Variants in ZNF106 observed in about 807,000 individuals in gnomAD.
ZNF106 encodes the protein SH3-domain binding protein 3.
In ZNF106, 67 loss-of-function variants were observed where a neutral mutation model predicts 195.1. The observed-to-expected ratio is 0.34, with a 90% confidence interval of 0.28 to 0.42. The LOEUF (loss-of-function observed/expected upper bound fraction) is 0.42, where lower values mean the gene tolerates loss of function less well. Among genes scored for constraint, ZNF106 ranks in the 10% least tolerant of loss-of-function variants. The pLI, the probability that ZNF106 is intolerant of heterozygous loss-of-function variation, is 1.00. For synonymous variants in ZNF106, 784 were observed against 818.6 expected, an observed-to-expected ratio of 0.96 and a Z score of 0.72; for missense variants, 2,118 against 2,304.5, an observed-to-expected ratio of 0.92 and a Z score of 1.66.
intron 9 of ZNF106, among the ~76,000 whole-genome samples, chr15:42,442,758 AG>A (rs1396666605): frequency 6.6e-6 from 1 of 151,648 alleles, no homozygotes; most frequent in Non-Finnish European, 1.5e-5. Flanking sequence ...CTGGGATTAT[AG>A]GCACATGCCA....
rs533169309 is a variant in ZNF106, at chr15:42,449,409, A to T, written c.2501+362T>A. On this transcript the variant is annotated intron_variant, in intron 5 of 21. Coordinates refer to ENST00000564754, the MANE Select transcript of ZNF106 (RefSeq NM_001366845.3). ...GTTGTATTTAAAAGTTATAGCACGCATTCCAAAATTAAGATCTAGAAAAAG... is the reference window on the plus strand; with the variant it reads ...GTTGTATTTAAAAGTTATAGCACGCTTTCCAAAATTAAGATCTAGAAAAAG... Among the ~76,000 whole-genome samples, 293 of 152,332 alleles carry T rather than the reference A, an allele frequency of 1.9e-3. 1 individual carries two copies. Among genetic ancestry groups the T allele is most frequent in the African/African-American group, 6.8e-3 (282 of 41,566 alleles).
At position 42,442,152 on chromosome 15, in the gene ZNF106, A is replaced by T. The variant is rs150088383; in HGVS notation, c.3684T>A (p.Ser1228=). 1 of 1,614,176 alleles carries T rather than the reference A, an allele frequency of 6.2e-7. No individual in the cohort carries two copies. The highest frequency in any genetic ancestry group is 8.5e-7 in the Non-Finnish European group (1 of 1,180,024). The change falls in exon 10 of 22, where the codon TCT becomes TCA. Residue 1228 remains serine (S), a synonymous_variant. Transcript: ENST00000564754. The stretch of plus-strand genomic sequence containing the variant: ...CATTCACATTCTCATCTTGTTCAGG[A>T]GACATGGGCTCTTGTTTAATCTGAA... ...SSVQIKQEPM[S]PEQDENVNAV... is the part of the protein sequence containing the mutation.
At chr15:42,444,344 T>C in intron 8 of ZNF106, 82 bp from the exon 9 acceptor site, 1 of 1,101,598 alleles carries the variant, frequency 9.1e-7, no homozygotes, top group Middle Eastern at 3.0e-4. Flanking sequence ...TTCTATGTCC[T>C]GACCAAAAAT....
chr15:42,488,968 C>T (rs1595505105), intron 1 of ZNF106, among the ~76,000 whole-genome samples: 1 of 151,174 alleles, frequency 6.6e-6, no homozygotes, highest in Non-Finnish European at 1.5e-5. Flanking sequence ...ATCCCAGCTA[C>T]TCGGGAGGCT....
intron 4 of ZNF106, among the ~76,000 whole-genome samples, chr15:42,455,701 T>C (rs995000002): frequency 6.6e-6 from 1 of 152,148 alleles, no homozygotes; most frequent in East Asian, 1.9e-4. Context: ...TTTTAACATA[T>C]AGAGTAAAAA....
rs2054420413 is a variant in ZNF106 at position 42,415,533 on chromosome 15, C to T, written c.*1771G>A. 2.2e-6 allele frequency: 1 copy of T among 453,742 alleles called. No homozygotes were observed. The allele number at this position is 453,742 out of a possible 1,614,324, so 28.1% of individuals were successfully genotyped here. ...CACAATTTCTGGGGGCTCACAGACC[C>T]TCTTGAAGCCTATCCATAAACCCCC... On this transcript the variant is annotated 3_prime_UTR_variant, in exon 22 of 22. Transcript: ENST00000564754.
At chr15:42,487,427 G>A (rs926112769) in intron 1 of ZNF106, among the ~76,000 whole-genome samples, 1 of 146,652 alleles carries the variant, frequency 6.8e-6, no homozygotes, top group African/African-American at 2.6e-5. Flanking sequence ...GGAGTTTGAG[G>A]GTGTAGTGAG....
In ZNF106 at chr15:42,449,918, C is replaced by T. The variant is rs1420014148; in HGVS notation, c.2354G>A (p.Gly785Asp). ...NSARRIRNIS[G>D]HRKSETEKES... ...CTTCTCTGTCTCACTCTTTCGGTGACCGCTAATATTGCGAATGCGGCGGGC... is the reference window on the plus strand; with the variant it reads ...CTTCTCTGTCTCACTCTTTCGGTGATCGCTAATATTGCGAATGCGGCGGGC... Residue 785 changes from glycine to aspartate, a missense_variant, in exon 5 of 22, where the codon GGT (glycine) becomes GAT (aspartate). By Grantham distance (94) the Gly-to-Asp change is moderately conservative. Coordinates refer to ENST00000564754, the MANE Select transcript of ZNF106 (RefSeq NM_001366845.3). 6.2e-7 allele frequency: 1 copy of T among 1,614,138 alleles called. No individual in the cohort carries two copies. The highest frequency in any genetic ancestry group is 1.7e-5 in the Admixed American group (1 of 60,008).
chr15:42,442,528 T>C, intron 9 of ZNF106, 114 bp from the exon 10 acceptor site: 1 of 825,232 alleles, frequency 1.2e-6, no homozygotes, highest in Non-Finnish European at 1.8e-6. Context: ...ATAAGTATAT[T>C]AGTATAGTCC....
Position 42,435,497 on chromosome 15 carries a change from A to G in ZNF106, c.4768T>C (p.Phe1590Leu), listed in dbSNP as rs1041482961. Residue 1590 changes from phenylalanine (F) to leucine (L), a missense_variant, in exon 14 of 22, where the codon TTT becomes CTT. Transcript: ENST00000564754. ...TTAACTTTGGAGGTATGACCCTCAA[A>G]GACACCAATACATTTCCGACTCTAA... ...NLVSRKCIGV[F>L]EGHTSKVNCL... The G allele has an allele frequency of 3.7e-6, 6 of 1,614,228 alleles. No homozygotes were observed. The highest frequency in any genetic ancestry group is 2.2e-5 in the East Asian group (1 of 44,894).
intron 13 of ZNF106, among the ~76,000 whole-genome samples, chr15:42,436,362 C>T (rs998735392): frequency 6.6e-6 from 1 of 152,116 alleles, no homozygotes; most frequent in East Asian, 1.9e-4. Context: ...ATATCCTGTT[C>T]CCCTAGATCT....
intron 14 of ZNF106, among the ~76,000 whole-genome samples, chr15:42,431,222 T>C (rs941926503): frequency 6.6e-5 from 10 of 152,030 alleles, no homozygotes; most frequent in Admixed American, 3.3e-4. Flanking sequence ...ATACTTTGTA[T>C]GATTTTGGTG....
chr15:42,440,998 A>ATATAT (rs1302038726), intron 10 of ZNF106, among the ~76,000 whole-genome samples: 3 of 23,582 alleles, frequency 1.3e-4, no homozygotes, highest in African/African-American at 2.5e-4. Flanking sequence ...AAAAAAAAAA[A>ATATAT]ATATATATAT....
intron 9 of ZNF106, 54 bp from the exon 10 acceptor site, chr15:42,442,468 A>G (rs1399761180): frequency 6.9e-6 from 10 of 1,451,052 alleles, no homozygotes; most frequent in African/African-American, 2.8e-5. Context: ...CTGAAAAGTC[A>G]TTTGTGTCTG....
intron 3 of ZNF106, among the ~76,000 whole-genome samples, chr15:42,461,262 TTTATTAACAATCAG>T (rs1567024548): frequency 6.6e-6 from 1 of 152,250 alleles, no homozygotes; most frequent in Non-Finnish European, 1.5e-5. Context: ...TTGATAATTA[TTTATTAACAATCAG>T]TTAAAATACT....
Position 42,424,670 on chromosome 15 carries a change from G to A in ZNF106, c.5190+164C>T, listed in dbSNP as rs115972648. ...ATTTTTGTATTTTTTTGTAGAGATCGAGTTTTGCCATGTTGCCCTGGCTGG... is the reference window on the plus strand; with the variant it reads ...ATTTTTGTATTTTTTTGTAGAGATCAAGTTTTGCCATGTTGCCCTGGCTGG... On this transcript the variant is annotated intron_variant, in intron 16 of 21. Transcript: ENST00000564754. The A allele has an allele frequency of 2.9e-3, 1,869 of 634,354 alleles. 27 individuals are homozygous for A. In the African/African-American group the frequency reaches 0.031, roughly 10 times the overall value. The allele number at this position is 634,354 out of a possible 1,614,324, so 39.3% of individuals were successfully genotyped here. A position where few individuals can be genotyped will look rare whatever the true frequency, so the allele number is the denominator to read the frequency against.
intron 14 of ZNF106, among the ~76,000 whole-genome samples, chr15:42,433,958 CCCA>C (rs2055166840): frequency 6.6e-6 from 1 of 152,106 alleles, no homozygotes; most frequent in African/African-American, 2.4e-5. Context: ...AAGTGATCCT[CCCA>C]CCTCAGCCTC....
chr15:42,429,466 A>C (rs2054977766), intron 14 of ZNF106, among the ~76,000 whole-genome samples: 1 of 151,656 alleles, frequency 6.6e-6, no homozygotes, highest in Admixed American at 6.6e-5. Context: ...TTTGTTGTTG[A>C]ATGATACTGA....
chr15:42,441,828 G>A (rs918256035), intron 10 of ZNF106: 6 of 335,166 alleles, frequency 1.8e-5, no homozygotes, highest in Middle Eastern at 8.3e-4. Context: ...AACCTTGTGG[G>A]TGCTAATACA....
Sources: allele counts gnomAD v4.1 joint callset (sites outside exome capture counted in the v4.1 genomes callset), GRCh38; gene constraint gnomAD v4.1.1; transcripts MANE v1.5; gene names NCBI Gene and HGNC (gene_info 2026-07-23, HGNC 2026-07-21).